REEP5: variants seen among roughly 807,000 people sequenced by gnomAD.
REEP5 encodes the protein receptor expression-enhancing protein 5.
Under a neutral mutation model 22.4 loss-of-function variants are expected in REEP5, and 24 were observed. That is an observed-to-expected ratio of 1.07 (90% CI 0.78 to 1.51). REEP5 has a LOEUF of 1.51. Ranked by LOEUF, REEP5 falls within the 40% of genes most tolerant of loss-of-function variation. REEP5 has a pLI of 0.00. For missense variants in REEP5, 252 were observed against 233.0 expected (o/e 1.08, Z -0.53); for synonymous variants, 103 against 88.6 (o/e 1.16, Z -0.92).
At chr5:112,896,222 T>C (rs1168095946) in intron 3 of REEP5, 1 of 152,564 alleles carries the variant, frequency 6.6e-6, no homozygotes, top group Non-Finnish European at 1.5e-5. Flanking sequence ...CCTACGAACA[T>C]TAAGAAGAAA....
chr5:112,910,103 G>A (rs1272449639), intron 2 of REEP5, among the ~76,000 whole-genome samples: 1 of 152,198 alleles, frequency 6.6e-6, no homozygotes, highest in African/African-American at 2.4e-5. Context: ...AGGAGTTCAA[G>A]GCCAGACTGG....
At chr5:112,911,323 C>A (rs922580529) in intron 2 of REEP5, among the ~76,000 whole-genome samples, 1 of 152,212 alleles carries the variant, frequency 6.6e-6, no homozygotes, top group Admixed American at 6.5e-5. Context: ...TAAATGGCTG[C>A]AGCTCACTGA....
rs925206854 is a variant in REEP5 at position 112,878,703 on chromosome 5, A to G, written c.*83T>C. On this transcript the variant is annotated 3_prime_UTR_variant, in exon 5 of 5. Transcript: ENST00000379638. Reference sequence around the variant, plus strand: ...ATGTTTCCAAGGCAACATTATTAAAATAATTATACCACAGTCCCTAATATA... The same window carrying G: ...ATGTTTCCAAGGCAACATTATTAAAGTAATTATACCACAGTCCCTAATATA... 6 of 1,545,638 alleles carry G rather than the reference A, an allele frequency of 3.9e-6. No individual in the cohort carries two copies. The African/African-American group carries it at 7.0e-5, about 18-fold the overall frequency.
intron 2 of REEP5, among the ~76,000 whole-genome samples, chr5:112,920,106 T>C (rs1022675885): frequency 5.3e-5 from 8 of 152,218 alleles, no homozygotes; most frequent in Admixed American, 2.0e-4. Context: ...GGGCTATATG[T>C]AGCTAGACTT....
chr5:112,889,794 T>C (rs1768376673), intron 3 of REEP5, among the ~76,000 whole-genome samples: 1 of 149,222 alleles, frequency 6.7e-6, no homozygotes, highest in African/African-American at 2.5e-5. Context: ...CTAGCCTGTG[T>C]AACATAGGGA....
At chr5:112,884,255 G>A (rs555595269) in intron 4 of REEP5, among the ~76,000 whole-genome samples, 32 of 152,166 alleles carry the variant, frequency 2.1e-4, no homozygotes, top group South Asian at 1.9e-3. Flanking sequence ...GCCTCCATTC[G>A]CAACTTCTTC....
intron 2 of REEP5, among the ~76,000 whole-genome samples, chr5:112,915,689 A>T (rs1385052988): frequency 6.6e-6 from 1 of 152,216 alleles, no homozygotes. Context: ...AGAAGGCCAC[A>T]TTGGCTTGTG....
intron 4 of REEP5, among the ~76,000 whole-genome samples, chr5:112,883,600 T>C (rs936005275): frequency 5.3e-5 from 8 of 152,162 alleles, no homozygotes; most frequent in Non-Finnish European, 1.2e-4. Context: ...ACCTTCGTGA[T>C]CTCATCTAGT....
chr5:112,917,871 G>A (rs1314528561), intron 2 of REEP5, among the ~76,000 whole-genome samples: 1 of 152,210 alleles, frequency 6.6e-6, no homozygotes, highest in African/African-American at 2.4e-5. Context: ...GGAGTGATTG[G>A]TGATGGTTTC....
rs757695211 is a variant in REEP5, at chr5:112,878,836, CTGTT to C, written c.521-5_521-2del. On this transcript the variant is annotated splice_acceptor_variant and splice_polypyrimidine_tract_variant and intron_variant, in intron 4 of 4. Coordinates refer to ENST00000379638, the MANE Select transcript of REEP5 (RefSeq NM_005669.5). LOFTEE classifies it high-confidence loss of function. ...AGTAAATTCACGGTAGCTTTCTTCG[CTGTT>C]TGTTTGTTAGGAGGGAAAGAAAAAT... The C allele has an allele frequency of 1.9e-5, 31 of 1,613,832 alleles. No individual in the cohort carries two copies. The highest frequency in any genetic ancestry group is 1.4e-4 in the South Asian group (13 of 91,074).
chr5:112,882,815 T>G (rs1768120722), intron 4 of REEP5, among the ~76,000 whole-genome samples: 1 of 152,242 alleles, frequency 6.6e-6, no homozygotes, highest in Admixed American at 6.5e-5. Flanking sequence ...ATTTCATACC[T>G]TCTCTTTCCA....
At chr5:112,887,472 T>C (rs922732166) in intron 3 of REEP5, among the ~76,000 whole-genome samples, 1 of 152,230 alleles carries the variant, frequency 6.6e-6, no homozygotes, top group Non-Finnish European at 1.5e-5. Context: ...TATATAGCTG[T>C]AAGAGGCTTT....
chr5:112,907,403 G>A (rs150162834), intron 2 of REEP5, among the ~76,000 whole-genome samples: 10 of 152,292 alleles, frequency 6.6e-5, no homozygotes, highest in Non-Finnish European at 1.0e-4. Flanking sequence ...AAGCCTGGCC[G>A]CCTAGGCTCA....
intron 2 of REEP5, among the ~76,000 whole-genome samples, chr5:112,915,260 G>A (rs1356137417): frequency 6.6e-6 from 1 of 151,996 alleles, no homozygotes; most frequent in Admixed American, 6.6e-5. Context: ...TATTAGAAAT[G>A]AGATCCTCCT....
At chr5:112,892,948 G>A in intron 3 of REEP5, 3 of 1,597,944 alleles carry the variant, frequency 1.9e-6, no homozygotes, top group Non-Finnish European at 2.6e-6. Flanking sequence ...CCGCAGCTGG[G>A]ACCAGGGCCG....
chr5:112,906,924 G>A (rs1768968528), intron 2 of REEP5, among the ~76,000 whole-genome samples: 1 of 152,204 alleles, frequency 6.6e-6, no homozygotes, highest in South Asian at 2.1e-4. Flanking sequence ...CCAGTAATGA[G>A]TGAGAGGCCA....
At chr5:112,916,566 A>T (rs1769237320) in intron 2 of REEP5, among the ~76,000 whole-genome samples, 3 of 152,236 alleles carry the variant, frequency 2.0e-5, no homozygotes, top group Admixed American at 1.3e-4. Flanking sequence ...GGATGACAGT[A>T]CCTTATTTGA....
At chr5:112,903,017 A>G (rs1768883642) in intron 2 of REEP5, among the ~76,000 whole-genome samples, 1 of 152,326 alleles carries the variant, frequency 6.6e-6, no homozygotes, top group South Asian at 2.1e-4. Flanking sequence ...TTTATAGTAA[A>G]CGGGTGAAAA....
chr5:112,895,959 T>G (rs1164809450), intron 3 of REEP5: 2 of 152,240 alleles, frequency 1.3e-5, no homozygotes, highest in African/African-American at 4.8e-5. Flanking sequence ...CAATGACTCC[T>G]TAAATTACGA....
Sources: gnomAD v4.1 joint callset for allele counts (sites outside exome capture counted in the v4.1 genomes callset) on GRCh38, gnomAD v4.1.1 for gene constraint, MANE v1.5 for transcripts, NCBI Gene and HGNC (gene_info 2026-07-23, HGNC 2026-07-21) for gene names.